The following GNAQ variants were observed in gnomAD, a reference collection of about 807,000 sequenced individuals.
GNAQ encodes the protein G protein subunit alpha q.
GNAQ carries 8 observed loss-of-function variants against 43.9 expected under a neutral mutation model. That is an observed-to-expected ratio of 0.18 (90% confidence interval 0.11 to 0.33). The LOEUF (loss-of-function observed/expected upper bound fraction) is 0.33. Among genes scored for constraint, GNAQ ranks in the 10% least tolerant of loss-of-function variants. The pLI is 1.00. For synonymous variants in GNAQ, 155 were observed against 170.7 expected, an observed-to-expected ratio of 0.91 and a Z score of 0.71; for missense variants, 158 against 450.8, an observed-to-expected ratio of 0.35 and a Z score of 5.88.
chr9:77,722,056 G>C (rs1297194278), intron 6 of GNAQ, among the ~76,000 whole-genome samples: 1 of 152,080 alleles, frequency 6.6e-6, no homozygotes, highest in African/African-American at 2.4e-5. Context: ...CACTTCCATA[G>C]ATTTCTGGTA....
chr9:77,972,609 T>C (rs1252183473), intron 1 of GNAQ, among the ~76,000 whole-genome samples: 1 of 151,900 alleles, frequency 6.6e-6, no homozygotes, highest in East Asian at 1.9e-4. Context: ...ATAAAATAAC[T>C]AGGAATAAAT....
chr9:77,723,593 A>C (rs1825352880), intron 6 of GNAQ, among the ~76,000 whole-genome samples: 1 of 152,252 alleles, frequency 6.6e-6, no homozygotes, highest in Admixed American at 6.5e-5. Context: ...AAACAAAAAG[A>C]ATATTATTCA....
chr9:77,880,966 T>G (rs1022894824), intron 2 of GNAQ, among the ~76,000 whole-genome samples: 3 of 152,130 alleles, frequency 2.0e-5, no homozygotes, highest in African/African-American at 7.2e-5. Flanking sequence ...AAAAATAGCT[T>G]GAAGACCTTG....
chr9:78,027,055 T>C (rs1004744374), intron 1 of GNAQ, among the ~76,000 whole-genome samples: 2 of 152,182 alleles, frequency 1.3e-5, no homozygotes, highest in African/African-American at 2.4e-5. Flanking sequence ...AAATATAGAA[T>C]GGTTTTTCTT....
chr9:77,817,556 T>C (rs1229007971), intron 2 of GNAQ, among the ~76,000 whole-genome samples: 2 of 152,168 alleles, frequency 1.3e-5, no homozygotes, highest in African/African-American at 4.8e-5. Context: ...TATAACTTAA[T>C]TTTCTGTGTT....
chr9:77,982,880 T>A (rs1823386351), intron 1 of GNAQ, among the ~76,000 whole-genome samples: 1 of 151,972 alleles, frequency 6.6e-6, no homozygotes, highest in South Asian at 2.1e-4. Context: ...CACACCAACA[T>A]GGCACATGTA....
intron 1 of GNAQ, among the ~76,000 whole-genome samples, chr9:77,967,153 C>G (rs1253701057): frequency 6.6e-6 from 1 of 152,142 alleles, no homozygotes; most frequent in African/African-American, 2.4e-5. Flanking sequence ...CTGAATGCAT[C>G]TCAGGAAAAG....
chr9:77,802,641 C>T (rs1826764505), intron 3 of GNAQ, among the ~76,000 whole-genome samples: 1 of 152,058 alleles, frequency 6.6e-6, no homozygotes, highest in African/African-American at 2.4e-5. Flanking sequence ...AGGAATGATT[C>T]TGAGTGGCTG....
chr9:77,874,221 A>G (rs1828093759), intron 2 of GNAQ, among the ~76,000 whole-genome samples: 1 of 152,198 alleles, frequency 6.6e-6, no homozygotes, highest in Admixed American at 6.5e-5. Context: ...TGTGACAGGT[A>G]CTTCACACAG....
At position 77,895,034 on chromosome 9, in the gene GNAQ, C is replaced by CA. The variant is rs879426371; in HGVS notation, c.321+27126dup. ...GAAACCCCTGTCTCTACTAAAAATACAAAAAAAAAAAAAATTAGTTGGGCG... is the reference window on the plus strand; with the variant it reads ...GAAACCCCTGTCTCTACTAAAAATACAAAAAAAAAAAAAAATTAGTTGGGCG... On this transcript the variant is annotated intron_variant, in intron 2 of 6. Coordinates refer to ENST00000286548, the MANE Select transcript of GNAQ (RefSeq NM_002072.5). 6.9e-3 allele frequency among the ~76,000 whole-genome samples: 892 copies of CA among 128,872 alleles called. 6 individuals are homozygous for CA. Among genetic ancestry groups the CA allele is most frequent in the Non-Finnish European group, 8.0e-3 (478 of 59,510 alleles). 84.5% of individuals were successfully genotyped at this position (128,872 alleles called of 152,430 possible).
chr9:77,810,281 C>G (rs369767913), intron 3 of GNAQ, among the ~76,000 whole-genome samples: 35 of 151,766 alleles, frequency 2.3e-4, no homozygotes, highest in African/African-American at 6.8e-4. Context: ...ATGCATCCAT[C>G]CATCCTGTGT....
intron 5 of GNAQ, among the ~76,000 whole-genome samples, chr9:77,786,910 C>T (rs1172769420): frequency 6.6e-6 from 1 of 152,014 alleles, no homozygotes; most frequent in African/African-American, 2.4e-5. Context: ...TTTGTAATAG[C>T]CCCAAATTGG....
intron 1 of GNAQ, among the ~76,000 whole-genome samples, chr9:77,935,884 C>A (rs766002629): frequency 5.9e-5 from 9 of 152,146 alleles, no homozygotes; most frequent in Non-Finnish European, 1.0e-4. Flanking sequence ...AATAGTCAAC[C>A]TAAGCCTAAA....
intron 1 of GNAQ, among the ~76,000 whole-genome samples, chr9:77,933,839 G>A (rs1442825074): frequency 6.6e-6 from 1 of 152,068 alleles, no homozygotes; most frequent in Non-Finnish European, 1.5e-5. Context: ...TAAAAAACGT[G>A]ACACACGCAA....
intron 3 of GNAQ, 112 bp from the exon 4 acceptor site, chr9:77,797,760 AAAATATCAG>A (rs1826680296): frequency 1.0e-5 from 9 of 887,408 alleles, no homozygotes; most frequent in Non-Finnish European, 1.6e-5. Flanking sequence ...AAGAGAAAGA[AAAATATCAG>A]AAAGTGGTAG....
At chr9:77,917,254 C>A (rs1469093699) in intron 2 of GNAQ, among the ~76,000 whole-genome samples, 1 of 152,124 alleles carries the variant, frequency 6.6e-6, no homozygotes, top group African/African-American at 2.4e-5. Context: ...AAAGACAGTT[C>A]CTTGGCCACA....
chr9:78,026,543 T>A (rs921267902), intron 1 of GNAQ, among the ~76,000 whole-genome samples: 3 of 152,088 alleles, frequency 2.0e-5, no homozygotes, highest in Non-Finnish European at 4.4e-5. Context: ...ATAAACACCA[T>A]ATTTTGCTAT....
At chr9:77,867,188 G>A (rs1827963459) in intron 2 of GNAQ, among the ~76,000 whole-genome samples, 1 of 152,060 alleles carries the variant, frequency 6.6e-6, no homozygotes, top group Non-Finnish European at 1.5e-5. Flanking sequence ...CCCCGCCTTG[G>A]GAACTCTCCT....
rs986035725 is a variant in GNAQ at position 77,925,374 on chromosome 9, A to G, written c.137-3029T>C. Among the ~76,000 whole-genome samples the G allele has an allele frequency of 2.6e-5, 4 of 152,182 alleles. No individual in the cohort carries two copies. In the South Asian group the frequency reaches 8.3e-4, roughly 32 times the overall value. On this transcript the variant is annotated intron_variant, in intron 1 of 6. Coordinates refer to ENST00000286548, the MANE Select transcript of GNAQ (RefSeq NM_002072.5). ...TTCTCATGACACACTTCTGGAAGCCAATCATGATAAAGAAACAGGTCTGGG... is the reference window on the plus strand; with the variant it reads ...TTCTCATGACACACTTCTGGAAGCCGATCATGATAAAGAAACAGGTCTGGG...
Sources: gnomAD v4.1 joint callset for allele counts (sites outside exome capture counted in the v4.1 genomes callset) on GRCh38, gnomAD v4.1.1 for gene constraint, MANE v1.5 for transcripts, NCBI Gene and HGNC (gene_info 2026-07-23, HGNC 2026-07-21) for gene names.